HDAC4: variants seen among roughly 807,000 people sequenced by gnomAD.
HDAC4 encodes histone deacetylase 4.
In HDAC4, 16 loss-of-function variants were observed where a neutral mutation model predicts 135.1. The ratio of observed to expected loss-of-function variants is 0.12; its 90% CI spans 0.08 to 0.18. The LOEUF is 0.18. HDAC4 is among the 10% of genes least tolerant of loss of function. The pLI, the probability that HDAC4 is intolerant of heterozygous loss-of-function variation, is 1.00. For missense variants in HDAC4, 1,143 were observed against 1,511.8 expected, an observed-to-expected ratio of 0.76 and a Z score of 4.05; for synonymous variants, 685 against 653.4, an observed-to-expected ratio of 1.05 and a Z score of -0.74.
chr2:239,330,538 C>G (rs951897852), intron 2 of HDAC4, among the ~76,000 whole-genome samples: 2 of 152,380 alleles, frequency 1.3e-5, no homozygotes, highest in South Asian at 4.1e-4. Context: ...CAACACTGAA[C>G]AGGCTGCCAG....
At chr2:239,126,360 C>T in intron 12 of HDAC4, 96 bp downstream of exon 12, 2 of 1,600,682 alleles carry the variant, frequency 1.2e-6, no homozygotes, top group East Asian at 2.2e-5. Context: ...CCTGGCCTCC[C>T]TTAAGGTCAG....
intron 22 of HDAC4, among the ~76,000 whole-genome samples, chr2:239,070,927 GTTTTTT>G (rs10572423): frequency 6.9e-6 from 1 of 143,998 alleles, no homozygotes; most frequent in Admixed American, 6.9e-5. Flanking sequence ...AGTCTCTGTT[GTTTTTT>G]TTTTTTTTTT....
intron 1 of HDAC4, among the ~76,000 whole-genome samples, chr2:239,362,517 G>A (rs1032083128): frequency 6.6e-6 from 1 of 152,138 alleles, no homozygotes; most frequent in Non-Finnish European, 1.5e-5. Flanking sequence ...TGTGGGGAGG[G>A]CCAGTTTTGT....
chr2:239,124,702 T>TGTGCCGGCGTGTGGCCGC (rs2040008011), intron 12 of HDAC4, among the ~76,000 whole-genome samples: 7 of 49,498 alleles, frequency 1.4e-4, no homozygotes, highest in Admixed American at 2.1e-4. Flanking sequence ...TGACATTCCA[T>TGTGCCGGCGTGTGGCCGC]GTTATGTGAC....
At chr2:239,166,545 T>C (rs571593247) in intron 5 of HDAC4, among the ~76,000 whole-genome samples, 1 of 152,062 alleles carries the variant, frequency 6.6e-6, no homozygotes, top group Non-Finnish European at 1.5e-5. Context: ...GACTCGAACA[T>C]CACTTAGAAG....
chr2:239,048,560 T>TAGATAG lies in HDAC4; in HGVS notation c.*4536_*4537insCTATCT, dbSNP rs2030309428. The stretch of plus-strand genomic sequence containing the variant: ...GGGTGAGTAAGGTTCAAGCCCCCTG[T>TAGATAG]ATAGATAGATAGATAGATAGATAGA... On this transcript the variant is annotated 3_prime_UTR_variant, in exon 27 of 27. Transcript: ENST00000543185. The TAGATAG allele has an allele frequency of 2.0e-5, 3 of 149,948 alleles. No homozygotes were observed. The highest frequency in any genetic ancestry group is 4.4e-5 in the Non-Finnish European group (3 of 67,634). 9.3% of individuals were successfully genotyped at this position (149,948 alleles called of 1,614,324 possible). A position where few individuals can be genotyped will look rare whatever the true frequency, so the allele number is the denominator to read the frequency against.
chr2:239,183,739 G>C (rs181229556), intron 4 of HDAC4, among the ~76,000 whole-genome samples: 1 of 152,314 alleles, frequency 6.6e-6, no homozygotes, highest in East Asian at 1.9e-4. Flanking sequence ...CCCTGTCCTG[G>C]CGCAGAGCCC....
chr2:239,267,307 A>C (rs149673131), intron 2 of HDAC4, among the ~76,000 whole-genome samples: 52 of 152,318 alleles, frequency 3.4e-4, no homozygotes, highest in Non-Finnish European at 6.9e-4. Flanking sequence ...ACACCCGTCC[A>C]TATCACACCA....
chr2:239,249,184 C>T (rs1417069311), intron 2 of HDAC4, among the ~76,000 whole-genome samples: 1 of 152,214 alleles, frequency 6.6e-6, no homozygotes, highest in Admixed American at 6.5e-5. Flanking sequence ...ACAGCAAGGG[C>T]AAGGCCTGGG....
intron 3 of HDAC4, among the ~76,000 whole-genome samples, chr2:239,207,093 G>A (rs867363638): frequency 2.0e-5 from 3 of 151,680 alleles, no homozygotes; most frequent in African/African-American, 4.9e-5. Flanking sequence ...TCTCCCCACC[G>A]CTGGGTATGC....
At chr2:239,302,079 T>C (rs1248865279) in intron 2 of HDAC4, among the ~76,000 whole-genome samples, 1 of 152,156 alleles carries the variant, frequency 6.6e-6, no homozygotes, top group Non-Finnish European at 1.5e-5. Context: ...TCTCTAATGA[T>C]GCTATAAACA....
At chr2:239,339,032 A>G (rs1016181655) in intron 2 of HDAC4, among the ~76,000 whole-genome samples, 2 of 152,266 alleles carry the variant, frequency 1.3e-5, no homozygotes, top group African/African-American at 2.4e-5. Context: ...TTTAGTTTAC[A>G]TAAAATCAGA....
chr2:239,160,919 A>C (rs925499456), intron 6 of HDAC4, among the ~76,000 whole-genome samples: 1 of 152,256 alleles, frequency 6.6e-6, no homozygotes, highest in African/African-American at 2.4e-5. Flanking sequence ...TCCAACAGGC[A>C]GCACACAGAG....
intron 2 of HDAC4, among the ~76,000 whole-genome samples, chr2:239,317,774 C>T (rs2053168296): frequency 1.3e-5 from 2 of 152,168 alleles, no homozygotes; most frequent in South Asian, 2.1e-4. Context: ...AACTTTAAGC[C>T]AACGACAGAG....
At chr2:239,185,862 C>G (rs2044518385) in intron 4 of HDAC4, among the ~76,000 whole-genome samples, 1 of 152,146 alleles carries the variant, frequency 6.6e-6, no homozygotes, top group Non-Finnish European at 1.5e-5. Context: ...AAAAACCCAT[C>G]TCTACCAAAA....
chr2:239,144,841 A>T, intron 7 of HDAC4, 127 bp from the exon 8 acceptor site: 2 of 940,322 alleles, frequency 2.1e-6, no homozygotes, highest in Non-Finnish European at 1.7e-6. Context: ...GTGTTGCTGC[A>T]GGGGAGAGCG....
intron 1 of HDAC4, among the ~76,000 whole-genome samples, chr2:239,388,293 G>A (rs1043108735): frequency 5.3e-5 from 8 of 152,160 alleles, no homozygotes; most frequent in South Asian, 2.1e-4. Flanking sequence ...CTCTCCGCTC[G>A]CTGGAGGGCC....
intron 2 of HDAC4, among the ~76,000 whole-genome samples, chr2:239,293,152 G>A (rs571600738): frequency 6.6e-5 from 10 of 152,226 alleles, no homozygotes; most frequent in African/African-American, 2.4e-4. Context: ...CTCACAAGGC[G>A]TTTCCCAAAG....
At chr2:239,311,481 G>A (rs1254744409) in intron 2 of HDAC4, among the ~76,000 whole-genome samples, 1 of 152,202 alleles carries the variant, frequency 6.6e-6, no homozygotes, top group Non-Finnish European at 1.5e-5. Context: ...TCCGGGAAAT[G>A]TAGAATCCAA....
Sources: allele counts gnomAD v4.1 joint callset (sites outside exome capture counted in the v4.1 genomes callset), GRCh38; gene constraint gnomAD v4.1.1; transcripts MANE v1.5; gene names NCBI Gene and HGNC (gene_info 2026-07-23, HGNC 2026-07-21).